Variants in MPRIP observed in about 807,000 individuals in gnomAD.
The protein encoded by MPRIP is myosin phosphatase Rho-interacting protein.
MPRIP carries 59 observed loss-of-function variants against 234.9 expected under a neutral mutation model. The ratio of observed to expected loss-of-function variants is 0.25; its 90% CI spans 0.20 to 0.31. MPRIP has a LOEUF of 0.31. Among genes scored for constraint, MPRIP ranks in the 10% least tolerant of loss-of-function variants. The probability of loss-of-function intolerance (pLI) is 1.00; values close to 1 mark genes in which losing one functional copy is unlikely to be tolerated. For missense variants in MPRIP, 2,436 were observed against 3,071.0 expected (o/e 0.79, Z 4.89); for synonymous variants, 1,144 against 1,263.9 (o/e 0.91, Z 2.01).
chr17:17,131,466 G>A, intron 4 of MPRIP, 151 bp from the exon 5 acceptor site: 2 of 649,784 alleles, frequency 3.1e-6, no homozygotes, highest in Non-Finnish European at 2.7e-6. Flanking sequence ...CATTGTCCAG[G>A]CTTGCTCTGT....
chr17:17,063,616 C>T (rs1244794839), intron 1 of MPRIP, among the ~76,000 whole-genome samples: 5 of 152,150 alleles, frequency 3.3e-5, no homozygotes, highest in African/African-American at 9.7e-5. Context: ...TGCCGGATTG[C>T]GCAATATGTC....
At chr17:17,123,327 T>C (rs1025765336) in intron 3 of MPRIP, among the ~76,000 whole-genome samples, 6 of 152,164 alleles carry the variant, frequency 3.9e-5, no homozygotes, top group African/African-American at 1.4e-4. Context: ...ACACTTTAGG[T>C]AAATTGTATG....
rs759871771 is a variant in MPRIP at position 17,192,475 on chromosome 17, AAGTT to A, written c.*7586_*7589del. 16 of 130,994 alleles carry A rather than the reference AAGTT, an allele frequency of 1.2e-4. No homozygotes were observed. Among genetic ancestry groups the A allele is most frequent in the African/African-American group, 4.2e-4 (14 of 33,514 alleles). 8.1% of individuals were successfully genotyped at this position (130,994 alleles called of 1,614,324 possible). ...TCTTGAGGCTTTTTTTTTTTTTACA[AAGTT>A]AGTTTGTGATCAACGATTCACTACA... On this transcript the variant is annotated 3_prime_UTR_variant, in exon 24 of 24. Transcript: ENST00000651222.
chr17:17,096,859 G>A (rs2089858746), intron 3 of MPRIP: 1 of 454,308 alleles, frequency 2.2e-6, no homozygotes, highest in African/African-American at 2.0e-5. Context: ...GTGCCTCAGA[G>A]GGGCTCAGAG....
chr17:17,171,561 G>GGGATC (rs1370067888), intron 16 of MPRIP, 157 bp from the exon 17 acceptor site: 1 of 836,564 alleles, frequency 1.2e-6, no homozygotes. Flanking sequence ...GACAGCCCCA[G>GGGATC]GGATCCTGTT....
In MPRIP at chr17:17,068,057, A is replaced by G. The variant is rs987401982; in HGVS notation, c.124-7653A>G. On this transcript the variant is annotated intron_variant, in intron 1 of 23. Transcript: ENST00000651222. ...TCATTATCCCTTTGATGTCTGCAGA[A>G]TCTGTGATGCTATCCCTGTTTTATT... Among the ~76,000 whole-genome samples, 7 of 151,874 alleles carry G rather than the reference A, an allele frequency of 4.6e-5. No homozygotes were observed. In the East Asian group the frequency reaches 1.3e-3, roughly 29 times the overall value.
At chr17:17,084,636 G>A (rs945803547) in intron 3 of MPRIP, among the ~76,000 whole-genome samples, 4 of 152,214 alleles carry the variant, frequency 2.6e-5, no homozygotes, top group African/African-American at 4.8e-5. Flanking sequence ...CAGAGAGGCC[G>A]CTCCACCAGC....
At chr17:17,136,791 T>A (rs1051130679) in intron 6 of MPRIP, among the ~76,000 whole-genome samples, 1 of 152,232 alleles carries the variant, frequency 6.6e-6, no homozygotes, top group African/African-American at 2.4e-5. Context: ...TGTTTCTTTC[T>A]GTGTGCATCC....
At chr17:17,140,175 CGTG>C (rs2090783612) in intron 7 of MPRIP, among the ~76,000 whole-genome samples, 1 of 152,152 alleles carries the variant, frequency 6.6e-6, no homozygotes, top group South Asian at 2.1e-4. Flanking sequence ...GGCTGTGTGT[CGTG>C]GTGGCTCCAG....
chr17:17,092,945 T>C (rs1260351763), intron 3 of MPRIP, among the ~76,000 whole-genome samples: 1 of 152,220 alleles, frequency 6.6e-6, no homozygotes, highest in Non-Finnish European at 1.5e-5. Context: ...CTGTTTGTTC[T>C]GTCACTTACC....
At chr17:17,123,323 T>C (rs2090427876) in intron 3 of MPRIP, among the ~76,000 whole-genome samples, 1 of 152,200 alleles carries the variant, frequency 6.6e-6, no homozygotes. Flanking sequence ...CTGTACACTT[T>C]AGGTAAATTG....
In MPRIP at chr17:17,075,718, C is replaced by G. The variant is rs759342000; in HGVS notation, c.132C>G (p.Pro44=). ...LNDEDLTQAK[P]IYGGWLLLAP... is the part of the protein sequence containing the mutation. ...TCTTTTTTCTCCTCTAGGCAAAACC[C>G]ATTTATGGCGGTTGGCTGCTCCTGG... Residue 44 remains proline, a synonymous_variant, in exon 2 of 24, where the codon CCC becomes CCG. Coordinates refer to ENST00000651222, the MANE Select transcript of MPRIP (RefSeq NM_001364716.4). 6.2e-7 allele frequency: 1 copy of G among 1,614,150 alleles called. No individual in the cohort carries two copies. Among genetic ancestry groups the G allele is most frequent in the Non-Finnish European group, 8.5e-7 (1 of 1,180,014 alleles).
intron 1 of MPRIP, among the ~76,000 whole-genome samples, chr17:17,050,822 G>A (rs2088515767): frequency 6.6e-6 from 1 of 151,728 alleles, no homozygotes; most frequent in Non-Finnish European, 1.5e-5. Context: ...CTGTCCTGTG[G>A]GGAGCCGGTG....
At chr17:17,155,451 C>T (rs2045707838) in intron 13 of MPRIP, among the ~76,000 whole-genome samples, 1 of 152,122 alleles carries the variant, frequency 6.6e-6, no homozygotes, top group Non-Finnish European at 1.5e-5. Flanking sequence ...ACCTTGTTGG[C>T]CAGGCTGGTC....
rs949434081 is a variant in MPRIP, at chr17:17,167,058, T to A, written c.5467T>A (p.Ser1823Thr). ...GCTTCTCCAGGTGTCCCAGAGTCTC[T>A]CGTATAACACTTGTTTGGGAGGCCT... ...QKLLQVSQSL[S>T]YNTCLGGLGQ... The change falls in exon 16 of 24, where the codon TCG becomes ACG. Residue 1823 changes from serine (S) to threonine (T), a missense_variant. By Grantham distance (58) the Ser-to-Thr change is moderately conservative. This residue lies in a region of MPRIP where 1,998 missense variants were observed against 2,520.3 expected (regional missense o/e 0.79). Coordinates refer to ENST00000651222, the MANE Select transcript of MPRIP (RefSeq NM_001364716.4). This position sits in a 1 kb window ranked among gnomAD's most constrained non-coding sequence, Gnocchi z 5.9. 7 of 1,304,232 alleles carry A rather than the reference T, an allele frequency of 5.4e-6. No homozygotes were observed. The African/African-American group carries it at 1.1e-4, about 20-fold the overall frequency. The allele number at this position is 1,304,232 out of a possible 1,614,324, so 80.8% of individuals were successfully genotyped here.
At chr17:17,126,952 T>C in intron 4 of MPRIP, 99 bp downstream of exon 4, 1 of 1,408,716 alleles carries the variant, frequency 7.1e-7, no homozygotes, top group African/African-American at 1.4e-5. Flanking sequence ...TGTTGTCTAC[T>C]TCCCCGTGTG....
At chr17:17,055,033 G>A (rs190925605) in intron 1 of MPRIP, among the ~76,000 whole-genome samples, 6 of 150,080 alleles carry the variant, frequency 4.0e-5, no homozygotes, top group Non-Finnish European at 8.9e-5. Flanking sequence ...CTGGGTAATA[G>A]AACGAGACCC....
At chr17:17,136,118 G>T in intron 5 of MPRIP, 101 bp from the exon 6 acceptor site, 1 of 1,220,260 alleles carries the variant, frequency 8.2e-7, no homozygotes, top group Non-Finnish European at 1.2e-6. Flanking sequence ...ACATTGTGTA[G>T]CTGGCCCGGG....
At chr17:17,156,359 C>T (rs1341379827) in intron 13 of MPRIP, among the ~76,000 whole-genome samples, 3 of 151,948 alleles carry the variant, frequency 2.0e-5, no homozygotes, top group Non-Finnish European at 2.9e-5. Context: ...CTAAGAATTA[C>T]TTCATAACCT....
Sources: gnomAD v4.1 joint callset for allele counts (sites outside exome capture counted in the v4.1 genomes callset) on GRCh38, gnomAD v4.1.1 for gene constraint, gnomAD v4.1.1 regional missense constraint, Gnocchi (gnomAD v3.1) non-coding constraint, MANE v1.5 for transcripts, NCBI Gene and HGNC (gene_info 2026-07-23, HGNC 2026-07-21) for gene names.